The following ACYP2 variants were observed in gnomAD, a reference collection of about 807,000 sequenced individuals.
The protein encoded by ACYP2 is acylphosphatase 2, also known as acylphosphatase-2.
In ACYP2, 12 loss-of-function variants were observed where a neutral mutation model predicts 11.2. That is an observed-to-expected ratio of 1.08 (90% CI 0.69 to 1.74). The LOEUF is 1.74. Among genes scored for constraint, ACYP2 ranks in the 40% most tolerant of loss-of-function variants. The probability of loss-of-function intolerance (pLI) is 0.00; values close to 1 mark genes in which losing one functional copy is unlikely to be tolerated. For missense variants in ACYP2, 134 were observed against 101.9 expected (o/e 1.31, Z -1.35); for synonymous variants, 43 against 32.2 (o/e 1.33, Z -1.13).
chr2:54,131,016 C>G (rs1418989317), intron 4 of ACYP2, among the ~76,000 whole-genome samples: 2 of 152,096 alleles, frequency 1.3e-5, no homozygotes, highest in Non-Finnish European at 2.9e-5. Context: ...ATTTTAATTG[C>G]CATATTTAAT....
In ACYP2 at chr2:53,982,949, T is replaced by C. The variant is rs1264362073; in HGVS notation, c.62+9139T>C. Among the ~76,000 whole-genome samples the C allele has an allele frequency of 5.3e-5, 8 of 151,978 alleles. No individual in the cohort carries two copies. The East Asian group carries it at 9.7e-4, about 18-fold the overall frequency. On this transcript the variant is annotated intron_variant, in intron 2 of 6. Coordinates refer to ENST00000607452, the MANE Select transcript of ACYP2 (RefSeq NM_001320586.2). Reference sequence around the variant, plus strand: ...ACAACCTATAAGTTAGCATGAAATATTCCTTTTCGTAAAGATCCATTTCTG... The same window carrying C: ...ACAACCTATAAGTTAGCATGAAATACTCCTTTTCGTAAAGATCCATTTCTG...
chr2:54,226,244 AT>A (rs1221200592), intron 6 of ACYP2, among the ~76,000 whole-genome samples: 4 of 152,182 alleles, frequency 2.6e-5, no homozygotes, highest in Admixed American at 6.5e-5. Flanking sequence ...AACAAAAAAA[AT>A]ATTTAAATAC....
intron 6 of ACYP2, among the ~76,000 whole-genome samples, chr2:54,269,039 A>C (rs1688165656): frequency 6.6e-6 from 1 of 152,250 alleles, no homozygotes; most frequent in South Asian, 2.1e-4. Context: ...GCTTACAAAT[A>C]AGTAATTTGT....
At chr2:54,117,516 A>T (rs951917912) in intron 4 of ACYP2, among the ~76,000 whole-genome samples, 1 of 152,140 alleles carries the variant, frequency 6.6e-6, no homozygotes, top group Non-Finnish European at 1.5e-5. Context: ...AAGTCTCGAA[A>T]TCCTGGCTTC....
intron 6 of ACYP2, among the ~76,000 whole-genome samples, chr2:54,218,768 A>G (rs1038654569): frequency 6.6e-6 from 1 of 152,166 alleles, no homozygotes; most frequent in Admixed American, 6.5e-5. Flanking sequence ...AGATCACATG[A>G]GGCTTTTCCA....
intron 2 of ACYP2, among the ~76,000 whole-genome samples, chr2:54,009,529 G>T (rs944962985): frequency 2.6e-5 from 4 of 152,142 alleles, no homozygotes; most frequent in Non-Finnish European, 5.9e-5. Flanking sequence ...AGCCAAGATT[G>T]CATCACTGCA....
At chr2:54,091,174 C>G (rs1449210005) in intron 4 of ACYP2, among the ~76,000 whole-genome samples, 1 of 152,126 alleles carries the variant, frequency 6.6e-6, no homozygotes, top group Non-Finnish European at 1.5e-5. Context: ...GAGTATTTAT[C>G]AAATGAAAAG....
intron 2 of ACYP2, among the ~76,000 whole-genome samples, chr2:54,021,118 T>G (rs1673986937): frequency 6.6e-6 from 1 of 152,074 alleles, no homozygotes; most frequent in Non-Finnish European, 1.5e-5. Context: ...AACCGCACAG[T>G]CTAAGCTAAT....
chr2:54,234,541 G>C (rs754585632), intron 6 of ACYP2, among the ~76,000 whole-genome samples: 5 of 152,228 alleles, frequency 3.3e-5, no homozygotes, highest in Non-Finnish European at 5.9e-5. Flanking sequence ...CAATGGTTTT[G>C]GCACCTACCA....
chr2:54,142,612 A>G (rs1258306193), intron 6 of ACYP2: 7 of 152,260 alleles, frequency 4.6e-5, no homozygotes, highest in African/African-American at 1.7e-4. Context: ...TGTCCCAGCT[A>G]CTTGGGAGGC....
chr2:54,202,684 A>C (rs576874897), intron 6 of ACYP2, among the ~76,000 whole-genome samples: 2 of 125,210 alleles, frequency 1.6e-5, no homozygotes, highest in South Asian at 5.4e-4. Flanking sequence ...CTGGGATTAC[A>C]GGTGTGAGCC....
At chr2:54,118,503 A>T (rs1679947430) in intron 4 of ACYP2, among the ~76,000 whole-genome samples, 2 of 152,220 alleles carry the variant, frequency 1.3e-5, no homozygotes, top group Non-Finnish European at 2.9e-5. Flanking sequence ...AGATTCAGTA[A>T]CTTGGACAAG....
intron 6 of ACYP2, among the ~76,000 whole-genome samples, chr2:54,296,091 G>T (rs552069040): frequency 6.6e-6 from 1 of 152,302 alleles, no homozygotes; most frequent in South Asian, 2.1e-4. Flanking sequence ...TTTGCATTCT[G>T]TTGTGGAGGA....
intron 4 of ACYP2, among the ~76,000 whole-genome samples, chr2:54,078,560 A>G (rs1263763115): frequency 6.6e-6 from 1 of 151,468 alleles, no homozygotes; most frequent in Non-Finnish European, 1.5e-5. Flanking sequence ...CAGTTATTTA[A>G]ACATTTTATT....
At chr2:53,989,584 G>A (rs965968331) in intron 2 of ACYP2, among the ~76,000 whole-genome samples, 6 of 152,122 alleles carry the variant, frequency 3.9e-5, no homozygotes, top group Non-Finnish European at 5.9e-5. Context: ...TCTAGGTCTT[G>A]GTGGGAAGTA....
At chr2:54,117,396 A>G (rs1016044065) in intron 4 of ACYP2, among the ~76,000 whole-genome samples, 5 of 152,186 alleles carry the variant, frequency 3.3e-5, no homozygotes, top group African/African-American at 4.8e-5. Flanking sequence ...CCTGGGCTCA[A>G]GTGATCTTCT....
At chr2:54,165,313 T>C (rs1437434231) in intron 6 of ACYP2, among the ~76,000 whole-genome samples, 1 of 152,222 alleles carries the variant, frequency 6.6e-6, no homozygotes, top group Middle Eastern at 3.2e-3. Flanking sequence ...CTCTGCCTTA[T>C]TTCCTGCAAT....
intron 2 of ACYP2, among the ~76,000 whole-genome samples, chr2:54,030,087 A>G (rs1674503274): frequency 6.6e-6 from 1 of 152,134 alleles, no homozygotes. Flanking sequence ...ACCTAAGTCT[A>G]TTGGTAGCTA....
intron 2 of ACYP2, among the ~76,000 whole-genome samples, chr2:54,006,100 G>C (rs971213825): frequency 6.6e-6 from 1 of 152,080 alleles, no homozygotes; most frequent in African/African-American, 2.4e-5. Context: ...CCTCCCACCT[G>C]AGCTTTCTGA....
Sources: allele counts gnomAD v4.1 joint callset (sites outside exome capture counted in the v4.1 genomes callset), GRCh38; gene constraint gnomAD v4.1.1; transcripts MANE v1.5; gene names NCBI Gene and HGNC (gene_info 2026-07-23, HGNC 2026-07-21).